Variants in PDE9A observed in about 807,000 individuals in gnomAD.
The protein encoded by PDE9A is high affinity cGMP-specific 3',5'-cyclic phosphodiesterase 9A.
A neutral mutation model predicts 87.4 loss-of-function variants in PDE9A; 60 were observed. The ratio of observed to expected loss-of-function variants is 0.69; its 90% CI spans 0.56 to 0.85. The LOEUF is 0.85. Ranked by LOEUF, PDE9A falls within the 40% of genes least tolerant of loss-of-function variation. The pLI, the probability that PDE9A is intolerant of heterozygous loss-of-function variation, is 0.00. For synonymous variants in PDE9A, 272 were observed against 279.4 expected (o/e 0.97, Z 0.27); for missense variants, 665 against 779.0 (o/e 0.85, Z 1.74).
Position 42,705,501 on chromosome 21 carries a change from C to T in PDE9A, c.262+6490C>T, listed in dbSNP as rs1209936656. 6.6e-6 allele frequency among the ~76,000 whole-genome samples: 1 copy of T among 152,060 alleles called. No individual in the cohort carries two copies. The highest frequency in any genetic ancestry group is 6.5e-5 in the Admixed American group (1 of 15,276). ...AGGATTGGGTGCTGTGATCACAGCA[C>T]GCGGGAAAAGGACAGGGCCTCCCTC... On this transcript the variant is annotated intron_variant, in intron 4 of 19. Transcript: ENST00000291539. The surrounding 1 kb of genome is among the most constrained non-coding windows in gnomAD (Gnocchi z 4.3).
At chr21:42,658,482 TACCCGGCTCCTGC>T (rs2057256170) in intron 1 of PDE9A, among the ~76,000 whole-genome samples, 5 of 152,234 alleles carry the variant, frequency 3.3e-5, no homozygotes, top group Non-Finnish European at 7.3e-5. Context: ...CCTTAAGCCC[TACCCGGCTCCTGC>T]GTGCCTTTCC....
chr21:42,765,428 A>G lies in PDE9A; in HGVS notation c.1290A>G (p.Glu430=). 6.2e-7 allele frequency: 1 copy of G among 1,613,138 alleles called. No individual in the cohort carries two copies. Among genetic ancestry groups the G allele is most frequent in the South Asian group, 1.1e-5 (1 of 91,034 alleles). ...CCACTGACATGGCAAGACATGCAGA[A>G]ATTATGGATTCTTTCAAAGAGAAAA... is the stretch of plus-strand genomic sequence containing the variant. ...ILATDMARHA[E]IMDSFKEKME... Residue 430 remains glutamate, a synonymous_variant, in exon 15 of 20, where the codon GAA becomes GAG. Coordinates refer to ENST00000291539, the MANE Select transcript of PDE9A (RefSeq NM_002606.3).
intron 1 of PDE9A, among the ~76,000 whole-genome samples, chr21:42,658,417 C>T (rs1168551558): frequency 6.6e-6 from 1 of 152,220 alleles, no homozygotes; most frequent in Non-Finnish European, 1.5e-5. Flanking sequence ...CCCAGCTCCT[C>T]AGGGGAGAGG....
rs980029346 is a variant in PDE9A at position 42,705,542 on chromosome 21, G to A, written c.262+6531G>A. Among the ~76,000 whole-genome samples, 2 of 152,242 alleles carry A rather than the reference G, an allele frequency of 1.3e-5. No homozygotes were observed. The highest frequency in any genetic ancestry group is 3.4e-3 in the Middle Eastern group (1 of 294). ...GGCCTCCCTCAGCGTGGCAGATCGC[G>A]TGGGTCCATGGGTCCGTGTGATCTC... On this transcript the variant is annotated intron_variant, in intron 4 of 19. Coordinates refer to ENST00000291539, the MANE Select transcript of PDE9A (RefSeq NM_002606.3). This position sits in a 1 kb window ranked among gnomAD's most constrained non-coding sequence, Gnocchi z 4.3.
At chr21:42,688,032 G>A (rs1178862150) in intron 3 of PDE9A, 38 bp downstream of exon 3, 13 of 1,521,312 alleles carry the variant, frequency 8.5e-6, no homozygotes, top group Non-Finnish European at 1.2e-5. Context: ...GGTGTGCCTG[G>A]CACTTCTCTC....
At chr21:42,699,577 C>T (rs1441535451) in intron 4 of PDE9A, among the ~76,000 whole-genome samples, 7 of 136,070 alleles carry the variant, frequency 5.1e-5, no homozygotes, top group South Asian at 2.4e-4. Flanking sequence ...TAAAAAAAAA[C>T]GGAGTCTGGT....
chr21:42,669,898 T>C (rs2058291975), intron 1 of PDE9A, among the ~76,000 whole-genome samples: 3 of 152,146 alleles, frequency 2.0e-5, no homozygotes, highest in Non-Finnish European at 4.4e-5. Context: ...CAGCCCAGTG[T>C]GACCGTGCCT....
At chr21:42,727,191 G>C (rs181317872) in intron 4 of PDE9A, among the ~76,000 whole-genome samples, 122 of 151,142 alleles carry the variant, frequency 8.1e-4, no homozygotes, top group African/African-American at 2.7e-3. Context: ...CCATTAACAT[G>C]GTCAGTCTTG....
rs764934915 is a variant in PDE9A at position 42,743,834 on chromosome 21, G to A, written c.627G>A (p.Arg209=). The change falls in exon 8 of 20, where the codon AGG becomes AGA. Residue 209 remains arginine (R), a synonymous_variant. Coordinates refer to ENST00000291539, the MANE Select transcript of PDE9A (RefSeq NM_002606.3). The part of the protein sequence containing the change: ...EKCKSDIKKM[R]EELAARSSRT... ...GCAAGAGTGACATTAAGAAGATGAGGGAGGAGCTGGCGGCCAGAAGCAGCA... is the reference window on the plus strand; with the variant it reads ...GCAAGAGTGACATTAAGAAGATGAGAGAGGAGCTGGCGGCCAGAAGCAGCA... 4.2e-5 allele frequency: 66 copies of A among 1,586,292 alleles called. 1 individual carries two copies. In the South Asian group the frequency reaches 7.1e-4, roughly 17 times the overall value.
At position 42,723,196 on chromosome 21, in the gene PDE9A, G is replaced by A. The variant is rs999785571; in HGVS notation, c.263-8574G>A. 6.6e-6 allele frequency among the ~76,000 whole-genome samples: 1 copy of A among 152,254 alleles called. No individual in the cohort carries two copies. Among genetic ancestry groups the A allele is most frequent in the African/African-American group, 2.4e-5 (1 of 41,470 alleles). ...GTTCTGTCAAGTGGGCAGGGCCTGG[G>A]CCCCTCTGCTGCAAACCCATGGCCC... On this transcript the variant is annotated intron_variant, in intron 4 of 19. Transcript: ENST00000291539. The surrounding 1 kb of genome is among the most constrained non-coding windows in gnomAD (Gnocchi z 4.3).
chr21:42,693,046 G>C (rs1270136278), intron 3 of PDE9A, among the ~76,000 whole-genome samples: 1 of 152,246 alleles, frequency 6.6e-6, no homozygotes, highest in Admixed American at 6.5e-5. Flanking sequence ...GCCGTGGGAA[G>C]GCTGGGCAGG....
intron 1 of PDE9A, among the ~76,000 whole-genome samples, chr21:42,672,702 G>T (rs184577134): frequency 3.3e-5 from 5 of 152,338 alleles, no homozygotes; most frequent in Middle Eastern, 3.4e-3. Flanking sequence ...CATTTAACCC[G>T]TCGAGTTTGG....
intron 4 of PDE9A, among the ~76,000 whole-genome samples, chr21:42,726,618 A>ATTTTTTTT (rs1486108848): frequency 9.1e-4 from 21 of 23,046 alleles, no homozygotes; most frequent in East Asian, 4.1e-3. Flanking sequence ...ATATATATAT[A>ATTTTTTTT]TATATATTTT....
chr21:42,682,495 T>G (rs1300659343), intron 1 of PDE9A, among the ~76,000 whole-genome samples: 1 of 152,236 alleles, frequency 6.6e-6, no homozygotes, highest in Non-Finnish European at 1.5e-5. Context: ...TTTTTCAGTT[T>G]GTTTTGCTGG....
intron 4 of PDE9A, among the ~76,000 whole-genome samples, chr21:42,699,356 C>T (rs2060314797): frequency 6.6e-6 from 1 of 152,196 alleles, no homozygotes; most frequent in South Asian, 2.1e-4. Context: ...GCTGCACTGT[C>T]TGTCCCTGCC....
At chr21:42,666,025 C>T (rs2057953040) in intron 1 of PDE9A, among the ~76,000 whole-genome samples, 1 of 152,234 alleles carries the variant, frequency 6.6e-6, no homozygotes, top group South Asian at 2.1e-4. Flanking sequence ...CCCTAAAGAA[C>T]AGGCTCACCT....
chr21:42,666,984 G>A (rs1404988369), intron 1 of PDE9A, among the ~76,000 whole-genome samples: 3 of 152,158 alleles, frequency 2.0e-5, no homozygotes, highest in Admixed American at 6.5e-5. Context: ...CCGCCGACTC[G>A]CCCTCCCGGG....
chr21:42,738,445 G>A (rs1215349622), intron 7 of PDE9A, among the ~76,000 whole-genome samples: 1 of 152,188 alleles, frequency 6.6e-6, no homozygotes, highest in African/African-American at 2.4e-5. Context: ...CTGGAGCACA[G>A]TGAGGCTGGG....
intron 4 of PDE9A, 85 bp downstream of exon 4, chr21:42,699,096 A>G: frequency 1.2e-6 from 1 of 850,662 alleles, no homozygotes; most frequent in Non-Finnish European, 2.0e-6. Flanking sequence ...ATACTAGTTA[A>G]GCATTTGAAT....
Sources: gnomAD v4.1 joint callset for allele counts (sites outside exome capture counted in the v4.1 genomes callset) on GRCh38, gnomAD v4.1.1 for gene constraint, Gnocchi (gnomAD v3.1) non-coding constraint, MANE v1.5 for transcripts, NCBI Gene and HGNC (gene_info 2026-07-23, HGNC 2026-07-21) for gene names.